The following DLG2 variants were observed in gnomAD, a reference collection of about 807,000 sequenced individuals.
The protein encoded by DLG2 is disks large homolog 2.
DLG2 carries 45 observed loss-of-function variants against 132.5 expected under a neutral mutation model. The ratio of observed to expected loss-of-function variants is 0.34; its 90% CI spans 0.27 to 0.44. DLG2 has a LOEUF of 0.44. DLG2 is among the 20% of genes least tolerant of loss of function. The pLI is 1.00. For missense variants in DLG2, 1,045 were observed against 1,196.9 expected (o/e 0.87, Z 1.87); for synonymous variants, 424 against 419.6 (o/e 1.01, Z -0.13).
At chr11:84,280,425 T>C (rs1315902235) in intron 7 of DLG2, among the ~76,000 whole-genome samples, 1 of 151,696 alleles carries the variant, frequency 6.6e-6, no homozygotes, top group Non-Finnish European at 1.5e-5. Flanking sequence ...CACACCACCA[T>C]GCCCAGCTAA....
chr11:83,695,565 C>G (rs557830615), intron 18 of DLG2, among the ~76,000 whole-genome samples: 7 of 152,136 alleles, frequency 4.6e-5, no homozygotes, highest in Admixed American at 4.6e-4. Context: ...ATGTTGAAAC[C>G]CTGTCTCTAC....
rs367904143 is a variant in DLG2, at chr11:83,535,585, A to G, written c.2118-2802T>C. 1.6e-3 allele frequency among the ~76,000 whole-genome samples: 237 copies of G among 152,270 alleles called. 2 individuals carry two copies. In the Middle Eastern group the frequency reaches 0.017, roughly 11 times the overall value. On this transcript the variant is annotated intron_variant, in intron 20 of 27. Transcript: ENST00000376104. Reference sequence around the variant, plus strand: ...TATTAAGTCAGCCAGACACACACACAGACACACACACATACACTCACCTAC... The same window carrying G: ...TATTAAGTCAGCCAGACACACACACGGACACACACACATACACTCACCTAC...
At chr11:84,185,478 C>A (rs375070855) in intron 8 of DLG2, among the ~76,000 whole-genome samples, 1 of 152,114 alleles carries the variant, frequency 6.6e-6, no homozygotes, top group Non-Finnish European at 1.5e-5. Flanking sequence ...TGGGCTGAGA[C>A]GACGGGGTTT....
At chr11:83,922,818 T>C (rs1280985030) in intron 15 of DLG2, among the ~76,000 whole-genome samples, 1 of 152,074 alleles carries the variant, frequency 6.6e-6, no homozygotes, top group Non-Finnish European at 1.5e-5. Context: ...TTTGCAAAAT[T>C]AATGAGATTA....
chr11:83,954,496 A>G (rs1490303436), intron 14 of DLG2, among the ~76,000 whole-genome samples: 1 of 152,186 alleles, frequency 6.6e-6, no homozygotes, highest in Non-Finnish European at 1.5e-5. Context: ...CTTTGCTTCA[A>G]AACATACATT....
chr11:84,181,292 TG>T (rs1297436297), intron 8 of DLG2, among the ~76,000 whole-genome samples: 1 of 151,950 alleles, frequency 6.6e-6, no homozygotes, highest in Non-Finnish European at 1.5e-5. Flanking sequence ...GAACTTGGAT[TG>T]GTTGTAAATG....
chr11:85,152,867 T>C (rs925906350), intron 5 of DLG2, among the ~76,000 whole-genome samples: 2 of 152,208 alleles, frequency 1.3e-5, no homozygotes, highest in Non-Finnish European at 2.9e-5. Context: ...GGTACTTGCA[T>C]GGTATTTACT....
At chr11:83,625,668 C>G (rs904932652) in intron 19 of DLG2, among the ~76,000 whole-genome samples, 3 of 152,178 alleles carry the variant, frequency 2.0e-5, no homozygotes, top group Admixed American at 1.3e-4. Flanking sequence ...CTGGGCCCTT[C>G]CCTTACTTCA....
At chr11:83,671,770 T>C (rs2076862997) in intron 18 of DLG2, among the ~76,000 whole-genome samples, 2 of 152,126 alleles carry the variant, frequency 1.3e-5, no homozygotes. Flanking sequence ...AAGATAAGGG[T>C]GCTTGTTTTT....
intron 5 of DLG2, among the ~76,000 whole-genome samples, chr11:85,123,248 A>G (rs2074647028): frequency 6.6e-6 from 1 of 151,934 alleles, no homozygotes; most frequent in Non-Finnish European, 1.5e-5. Context: ...AAGTGCTGGG[A>G]TTACAGGCGT....
At chr11:84,410,316 C>A (rs570823197) in intron 7 of DLG2, among the ~76,000 whole-genome samples, 16 of 152,250 alleles carry the variant, frequency 1.1e-4, no homozygotes, top group Non-Finnish European at 2.2e-4. Flanking sequence ...CACTGTCAAG[C>A]TGATGGCTTC....
chr11:84,051,657 A>G (rs937971292), intron 11 of DLG2, among the ~76,000 whole-genome samples: 2 of 151,008 alleles, frequency 1.3e-5, no homozygotes, highest in African/African-American at 4.9e-5. Flanking sequence ...TAGCATTAGG[A>G]GATATACCTA....
Position 83,459,563 on chromosome 11 carries a change from A to T in DLG2, c.*255T>A, listed in dbSNP as rs1163011621. 6.6e-6 allele frequency: 2 copies of T among 304,554 alleles called. No homozygotes were observed. Among genetic ancestry groups the T allele is most frequent in the Non-Finnish European group, 1.2e-5 (2 of 162,926 alleles). The allele number at this position is 304,554 out of a possible 1,614,324, so 18.9% of individuals were successfully genotyped here. On this transcript the variant is annotated 3_prime_UTR_variant, in exon 28 of 28. Coordinates refer to ENST00000376104, the MANE Select transcript of DLG2 (RefSeq NM_001142699.3). ...TCATCTCTTGGGCAGAAAGCCCGTC[A>T]GAGGTTCATCCCTACACCTGGCACT...
chr11:85,392,876 GAAGAT>G (rs2086923923), intron 3 of DLG2, among the ~76,000 whole-genome samples: 1 of 152,068 alleles, frequency 6.6e-6, no homozygotes, highest in Admixed American at 6.6e-5. Context: ...AAAAATTCTA[GAAGAT>G]AACATCGGAA....
At chr11:84,085,633 T>A (rs2096966415) in intron 10 of DLG2, among the ~76,000 whole-genome samples, 1 of 152,210 alleles carries the variant, frequency 6.6e-6, no homozygotes, top group Non-Finnish European at 1.5e-5. Context: ...TTCCTATGTC[T>A]CCTGCCTTCA....
At chr11:84,436,951 G>A (rs938904651) in intron 7 of DLG2, among the ~76,000 whole-genome samples, 12 of 152,144 alleles carry the variant, frequency 7.9e-5, no homozygotes, top group African/African-American at 2.7e-4. Context: ...GACACACACT[G>A]TAACACATGT....
At chr11:83,650,813 C>G (rs962655055) in intron 18 of DLG2, among the ~76,000 whole-genome samples, 1 of 152,144 alleles carries the variant, frequency 6.6e-6, no homozygotes, top group Non-Finnish European at 1.5e-5. Flanking sequence ...GATCCCCTTT[C>G]AAGACTGAAA....
chr11:85,605,150 T>C (rs1046707438), intron 2 of DLG2, among the ~76,000 whole-genome samples: 6 of 152,224 alleles, frequency 3.9e-5, no homozygotes, highest in African/African-American at 1.4e-4. Flanking sequence ...TGCATTATCT[T>C]ATCTGATTCT....
chr11:85,597,289 A>G (rs1036696402), intron 3 of DLG2, among the ~76,000 whole-genome samples: 1 of 152,184 alleles, frequency 6.6e-6, no homozygotes, highest in Non-Finnish European at 1.5e-5. Flanking sequence ...GCCAGTCTTA[A>G]GTAAACACAT....
Sources: gnomAD v4.1 joint callset for allele counts (sites outside exome capture counted in the v4.1 genomes callset) on GRCh38, gnomAD v4.1.1 for gene constraint, MANE v1.5 for transcripts, NCBI Gene and HGNC (gene_info 2026-07-23, HGNC 2026-07-21) for gene names.